Variants in TAFA1 observed in about 807,000 individuals in gnomAD.
TAFA1 encodes chemokine-like protein TAFA-1.
TAFA1 carries 4 observed loss-of-function variants against 18.5 expected under a neutral mutation model. The observed-to-expected ratio is 0.22, with a 90% CI of 0.11 to 0.49. The LOEUF (loss-of-function observed/expected upper bound fraction) is 0.49, where lower values mean the gene tolerates loss of function less well. Ranked by LOEUF, TAFA1 falls within the 20% of genes least tolerant of loss-of-function variation. The pLI is 0.98. For missense variants in TAFA1, 147 were observed against 169.0 expected (o/e 0.87, Z 0.72); for synonymous variants, 56 against 55.2 (o/e 1.01, Z -0.06).
intron 2 of TAFA1, among the ~76,000 whole-genome samples, chr3:68,391,596 A>C (rs1471704635): frequency 2.0e-5 from 3 of 152,208 alleles, no homozygotes; most frequent in African/African-American, 4.8e-5. Flanking sequence ...AAAAATGTTA[A>C]GGACAGCCAG....
At chr3:68,496,339 G>A (rs1423345005) in intron 3 of TAFA1, among the ~76,000 whole-genome samples, 1 of 152,102 alleles carries the variant, frequency 6.6e-6, no homozygotes, top group Non-Finnish European at 1.5e-5. Flanking sequence ...AAATGTTAGA[G>A]AAGTCTGAAC....
chr3:68,347,388 A>G lies in TAFA1; in HGVS notation c.119-69892A>G, dbSNP rs1040614724. ...AGTTTTAAATTCTGTTATTGTTTGC[A>G]GGAAACTTCACTTTCCTCTCATCCA... On this transcript the variant is annotated intron_variant, in intron 2 of 4. Coordinates refer to ENST00000478136, the MANE Select transcript of TAFA1 (RefSeq NM_213609.4). Among the ~76,000 whole-genome samples, 21 of 152,220 alleles carry G rather than the reference A, an allele frequency of 1.4e-4. 1 individual carries two copies. The highest frequency in any genetic ancestry group is 1.3e-3 in the Admixed American group (20 of 15,274).
At chr3:68,161,015 TAAAAG>T (rs1444303204) in intron 2 of TAFA1, among the ~76,000 whole-genome samples, 1 of 152,198 alleles carries the variant, frequency 6.6e-6, no homozygotes, top group Non-Finnish European at 1.5e-5. Context: ...ATCCACATCT[TAAAAG>T]AAATCAGGAC....
chr3:68,111,294 A>G (rs1385610753), intron 2 of TAFA1, among the ~76,000 whole-genome samples: 1 of 152,184 alleles, frequency 6.6e-6, no homozygotes, highest in East Asian at 1.9e-4. Flanking sequence ...GATATTTTCA[A>G]TGTTCCAAAA....
intron 2 of TAFA1, among the ~76,000 whole-genome samples, chr3:68,188,046 T>C (rs771249737): frequency 6.6e-6 from 1 of 152,060 alleles, no homozygotes; most frequent in Non-Finnish European, 1.5e-5. Flanking sequence ...AGTTATTTTA[T>C]ATTCTGAATA....
chr3:68,140,896 C>T (rs2065660579), intron 2 of TAFA1, among the ~76,000 whole-genome samples: 2 of 152,178 alleles, frequency 1.3e-5, no homozygotes, highest in South Asian at 4.1e-4. Context: ...ATCATTCACT[C>T]TATACAACTA....
chr3:68,261,586 T>TA (rs66601439), intron 2 of TAFA1, among the ~76,000 whole-genome samples: 11 of 152,056 alleles, frequency 7.2e-5, no homozygotes, highest in Admixed American at 1.3e-4. Flanking sequence ...TATGCAGCCA[T>TA]AAAAAAATGA....
At chr3:68,365,011 C>T (rs1237378576) in intron 2 of TAFA1, among the ~76,000 whole-genome samples, 3 of 152,088 alleles carry the variant, frequency 2.0e-5, no homozygotes, top group Admixed American at 6.5e-5. Context: ...TGTAAGGGAC[C>T]TTATGATTTT....
At chr3:68,027,690 T>G (rs1292284477) in intron 2 of TAFA1, among the ~76,000 whole-genome samples, 1 of 152,198 alleles carries the variant, frequency 6.6e-6, no homozygotes, top group African/African-American at 2.4e-5. Flanking sequence ...GGACTTTAAA[T>G]TTGTCTCTGT....
intron 2 of TAFA1, among the ~76,000 whole-genome samples, chr3:68,404,018 A>G (rs754773811): frequency 2.0e-5 from 3 of 152,174 alleles, no homozygotes; most frequent in Non-Finnish European, 4.4e-5. Context: ...ATCAGAGCAA[A>G]CACATTGCTC....
At chr3:68,378,150 C>T (rs1043744582) in intron 2 of TAFA1, among the ~76,000 whole-genome samples, 1 of 152,196 alleles carries the variant, frequency 6.6e-6, no homozygotes, top group Admixed American at 6.5e-5. Context: ...AAGAGGGCCA[C>T]CATCCTCTAG....
In TAFA1 at chr3:68,175,595, C is replaced by T. The variant is rs137928917; in HGVS notation, c.118+168851C>T. Among the ~76,000 whole-genome samples the T allele has an allele frequency of 2.2e-4, 33 of 152,194 alleles. No homozygotes were observed. In the East Asian group the frequency reaches 6.2e-3, roughly 29 times the overall value. On this transcript the variant is annotated intron_variant, in intron 2 of 4. Coordinates refer to ENST00000478136, the MANE Select transcript of TAFA1 (RefSeq NM_213609.4). ...CCTCTTTGTTTCGGCCAATCTCTCC[C>T]GTTTGGAATGGTTGTATTTACCCAA...
intron 2 of TAFA1, among the ~76,000 whole-genome samples, chr3:68,318,397 G>A (rs941806905): frequency 1.3e-5 from 2 of 152,160 alleles, no homozygotes; most frequent in Non-Finnish European, 2.9e-5. Context: ...CTAAAGGAGG[G>A]TAATATGTTA....
intron 2 of TAFA1, among the ~76,000 whole-genome samples, chr3:68,233,803 C>A (rs2066897832): frequency 6.6e-6 from 1 of 151,976 alleles, no homozygotes. Context: ...CCAGAAGGAC[C>A]TTATTTTTTT....
intron 2 of TAFA1, among the ~76,000 whole-genome samples, chr3:68,409,246 G>A (rs1402220423): frequency 2.0e-5 from 3 of 152,132 alleles, no homozygotes; most frequent in Non-Finnish European, 2.9e-5. Context: ...AAAGTCTGCT[G>A]TTGTGATAAT....
upstream of TAFA1, among the ~76,000 whole-genome samples, chr3:68,002,786 A>T (rs1168068679): frequency 6.6e-6 from 1 of 152,168 alleles, no homozygotes; most frequent in African/African-American, 2.4e-5. Flanking sequence ...AACCTTGTGC[A>T]CGTTCTTTAA....
chr3:68,375,483 T>G (rs543394531), intron 2 of TAFA1, among the ~76,000 whole-genome samples: 8 of 152,194 alleles, frequency 5.3e-5, no homozygotes, highest in Non-Finnish European at 1.2e-4. Context: ...AATCAGATGT[T>G]GTCCCTGACC....
intron 2 of TAFA1, among the ~76,000 whole-genome samples, chr3:68,283,455 C>G (rs1218017635): frequency 6.6e-6 from 1 of 152,190 alleles, no homozygotes; most frequent in African/African-American, 2.4e-5. Context: ...TTTTATATCT[C>G]TAAATCTAAT....
intron 2 of TAFA1, among the ~76,000 whole-genome samples, chr3:68,219,583 G>C (rs2107087771): frequency 6.6e-6 from 1 of 152,134 alleles, no homozygotes; most frequent in African/African-American, 2.4e-5. Context: ...GCACTCAAGG[G>C]GCCCCCTTTT....
Sources: gnomAD v4.1 joint callset for allele counts (sites outside exome capture counted in the v4.1 genomes callset) on GRCh38, gnomAD v4.1.1 for gene constraint, MANE v1.5 for transcripts, NCBI Gene and HGNC (gene_info 2026-07-23, HGNC 2026-07-21) for gene names.